The following OCA2 variants were observed in gnomAD, a reference collection of about 807,000 sequenced individuals.
OCA2 encodes the protein OCA2 melanosomal transmembrane protein.
In OCA2, 77 loss-of-function variants were observed where a neutral mutation model predicts 100.2. The observed-to-expected ratio is 0.77, with a 90% CI of 0.64 to 0.93. OCA2 has a LOEUF of 0.93. Ranked by LOEUF, OCA2 falls within the 40% of genes least tolerant of loss-of-function variation. OCA2 has a pLI of 0.00. For missense variants in OCA2, 1,062 were observed against 1,089.1 expected, an observed-to-expected ratio of 0.98 and a Z score of 0.35; for synonymous variants, 432 against 439.2, an observed-to-expected ratio of 0.98 and a Z score of 0.21.
intron 9 of OCA2, among the ~76,000 whole-genome samples, chr15:28,009,683 G>GTC (rs1555373584): frequency 1.3e-4 from 9 of 71,568 alleles, no homozygotes; most frequent in East Asian, 8.7e-4. Context: ...GCGAGATTCT[G>GTC]TCACACACAC....
At chr15:28,046,458 G>A (rs2043350487) in intron 2 of OCA2, among the ~76,000 whole-genome samples, 1 of 152,100 alleles carries the variant, frequency 6.6e-6, no homozygotes, top group African/African-American at 2.4e-5. Context: ...TCTTGTTAAG[G>A]ACACATCAGC....
chr15:27,992,053 C>T (rs2041572691), intron 9 of OCA2, among the ~76,000 whole-genome samples: 1 of 151,186 alleles, frequency 6.6e-6, no homozygotes, highest in African/African-American at 2.4e-5. Context: ...TGCTACCAAA[C>T]TCTAATAATT....
At chr15:27,911,997 G>A (rs1248902120) in intron 19 of OCA2, among the ~76,000 whole-genome samples, 4 of 152,186 alleles carry the variant, frequency 2.6e-5, no homozygotes, top group Non-Finnish European at 5.9e-5. Context: ...AAATATATGA[G>A]TTAGCAATTC....
chr15:28,090,882 GA>G (rs981253848), intron 1 of OCA2, among the ~76,000 whole-genome samples: 1 of 151,760 alleles, frequency 6.6e-6, no homozygotes, highest in African/African-American at 2.4e-5. Context: ...AAAAACAGTA[GA>G]AAAAAATCAA....
intron 23 of OCA2, among the ~76,000 whole-genome samples, chr15:27,767,183 C>G (rs1369330819): frequency 6.6e-5 from 10 of 152,180 alleles, no homozygotes; most frequent in Admixed American, 5.9e-4. Context: ...GATGGTCTTA[C>G]AAATGGAAAC....
intron 7 of OCA2, among the ~76,000 whole-genome samples, chr15:28,016,667 AG>A (rs1431570317): frequency 1.3e-5 from 2 of 152,152 alleles, no homozygotes; most frequent in African/African-American, 2.4e-5. Flanking sequence ...TTGTGGTCCC[AG>A]CCACTTAGGG....
At chr15:27,966,873 C>T (rs371853274) in intron 14 of OCA2, 51 bp from the exon 15 acceptor site, 22 of 1,565,288 alleles carry the variant, frequency 1.4e-5, no homozygotes, top group African/African-American at 2.7e-5. Flanking sequence ...TGGTGGCTCA[C>T]GCCTGTAATC....
chr15:28,038,250 T>C (rs1175778187), intron 2 of OCA2, among the ~76,000 whole-genome samples: 3 of 152,074 alleles, frequency 2.0e-5, no homozygotes, highest in Non-Finnish European at 4.4e-5. Context: ...CAGCCAAACA[T>C]GTTTCCCATA....
chr15:27,975,150 A>G (rs1476870140), intron 14 of OCA2, among the ~76,000 whole-genome samples: 1 of 152,238 alleles, frequency 6.6e-6, no homozygotes, highest in African/African-American at 2.4e-5. Flanking sequence ...CTGTAAGGGC[A>G]GGCTTAAAAT....
chr15:27,984,851 T>G (rs1415693194), intron 13 of OCA2, among the ~76,000 whole-genome samples: 2 of 152,224 alleles, frequency 1.3e-5, no homozygotes, highest in Admixed American at 1.3e-4. Flanking sequence ...TGCAGGCATT[T>G]CTGCCACCAG....
chr15:27,849,186 C>T (rs1323752255), intron 22 of OCA2, among the ~76,000 whole-genome samples: 1 of 152,134 alleles, frequency 6.6e-6, no homozygotes, highest in Non-Finnish European at 1.5e-5. Context: ...GTGAACACAG[C>T]CACATGCTGC....
the OCA2 span, among the ~76,000 whole-genome samples, chr15:27,746,603 C>T: frequency 1.3e-5 from 2 of 152,224 alleles, no homozygotes; most frequent in African/African-American, 4.8e-5. Flanking sequence ...TGTGAGTCAA[C>T]TCCTCTGCAA....
chr15:27,769,366 A>C (rs60877324), intron 23 of OCA2, among the ~76,000 whole-genome samples: 1 of 152,204 alleles, frequency 6.6e-6, no homozygotes, highest in Non-Finnish European at 1.5e-5. Context: ...CTAAGGAACC[A>C]AGGCTTCCGG....
At chr15:27,837,882 TG>T (rs1395216669) in intron 23 of OCA2, among the ~76,000 whole-genome samples, 10 of 124,296 alleles carry the variant, frequency 8.0e-5, no homozygotes, top group Admixed American at 5.2e-4. Flanking sequence ...GCCCCACGAC[TG>T]AAAAAAAAAA....
At chr15:28,076,978 C>A (rs2044450624) in intron 2 of OCA2, among the ~76,000 whole-genome samples, 1 of 150,362 alleles carries the variant, frequency 6.7e-6, no homozygotes. Context: ...TCAAAATTTT[C>A]TGAGATTTAA....
At position 27,977,995 on chromosome 15, in the gene OCA2, G is replaced by A. The variant is rs370279014; in HGVS notation, c.1503+5350C>T. Among the ~76,000 whole-genome samples, 18 of 152,274 alleles carry A rather than the reference G, an allele frequency of 1.2e-4. 1 individual carries two copies. The highest frequency in any genetic ancestry group is 9.7e-4 in the East Asian group (5 of 5,178). On this transcript the variant is annotated intron_variant, in intron 14 of 23. Coordinates refer to ENST00000354638, the MANE Select transcript of OCA2 (RefSeq NM_000275.3). ...GCCCAGTCTATGGTATTTGGTTATC[G>A]CATTCCAAGCTGATGAGTACAAAAA...
At chr15:27,784,913 G>A (rs1053592367) in intron 23 of OCA2, among the ~76,000 whole-genome samples, 19 of 132,338 alleles carry the variant, frequency 1.4e-4, no homozygotes, top group Non-Finnish European at 2.7e-4. Flanking sequence ...GAGAGAGAGA[G>A]AGAAATGGGC....
At chr15:27,825,828 T>C (rs189664893) in intron 23 of OCA2, among the ~76,000 whole-genome samples, 7 of 152,266 alleles carry the variant, frequency 4.6e-5, no homozygotes, top group Non-Finnish European at 1.0e-4. Flanking sequence ...CCAGTCCCCA[T>C]GGAAGGCAGC....
intron 23 of OCA2, among the ~76,000 whole-genome samples, chr15:27,773,755 G>A (rs2032027376): frequency 6.6e-6 from 1 of 152,204 alleles, no homozygotes; most frequent in African/African-American, 2.4e-5. Context: ...GTGAAACTTG[G>A]CTGGATCTGA....
Sources: gnomAD v4.1 joint callset for allele counts (sites outside exome capture counted in the v4.1 genomes callset) on GRCh38, gnomAD v4.1.1 for gene constraint, MANE v1.5 for transcripts, NCBI Gene and HGNC (gene_info 2026-07-23, HGNC 2026-07-21) for gene names.